Variants in LMNB2 observed in about 807,000 individuals in gnomAD.
LMNB2 encodes the protein lamin B2, also known as lamin-B2.
Under a neutral mutation model 69.3 loss-of-function variants are expected in LMNB2, and 17 were observed. The ratio of observed to expected loss-of-function variants is 0.25; its 90% confidence interval spans 0.17 to 0.37. LMNB2 has a LOEUF of 0.37. Ranked by LOEUF, LMNB2 falls within the 10% of genes least tolerant of loss-of-function variation. The probability of loss-of-function intolerance (pLI) is 1.00; values close to 1 mark genes in which losing one functional copy is unlikely to be tolerated. For synonymous variants in LMNB2, 397 were observed against 389.3 expected, an observed-to-expected ratio of 1.02 and a Z score of -0.23; for missense variants, 789 against 883.6, an observed-to-expected ratio of 0.89 and a Z score of 1.36.
chr19:2,433,746 G>C, intron 8 of LMNB2, 80 bp downstream of exon 8: 1 of 1,500,576 alleles, frequency 6.7e-7, no homozygotes, highest in Non-Finnish European at 9.0e-7. Context: ...GCATTGGCCG[G>C]CAGCCCCGTC....
chr19:2,430,250 T>C lies in LMNB2; in HGVS notation c.*661A>G, dbSNP rs1971720834. 1 of 173,242 alleles carries C rather than the reference T, an allele frequency of 5.8e-6. No homozygotes were observed. The highest frequency in any genetic ancestry group is 5.4e-5 in the Admixed American group (1 of 18,530). The allele number at this position is 173,242 out of a possible 1,614,324, so 10.7% of individuals were successfully genotyped here. A position where few individuals can be genotyped will look rare whatever the true frequency, so the allele number is the denominator to read the frequency against. ...CTGTTGGCCTTGCACAGTCAGGAACTGAACTGCGGGAAAACTCCCCCAAAT... is the reference window on the plus strand; with the variant it reads ...CTGTTGGCCTTGCACAGTCAGGAACCGAACTGCGGGAAAACTCCCCCAAAT... On this transcript the variant is annotated 3_prime_UTR_variant, in exon 12 of 12. Transcript: ENST00000325327.
chr19:2,437,799 C>CAAAAAAAA (rs59867677), intron 4 of LMNB2, among the ~76,000 whole-genome samples: 2 of 138,614 alleles, frequency 1.4e-5, no homozygotes, highest in Non-Finnish European at 1.5e-5. Context: ...AACTCCATCT[C>CAAAAAAAA]AAAAAAAGAC....
At position 2,428,543 on chromosome 19, in the gene LMNB2, CG is replaced by C. The variant is rs1343334236; in HGVS notation, c.*2367del. ...CAGGCCTCCCGGCTCCTGGGCTCAGCGGGGCAGGCTTCAGCGTTAACCTGGC... is the reference window on the plus strand; with the variant it reads ...CAGGCCTCCCGGCTCCTGGGCTCAGCGGGCAGGCTTCAGCGTTAACCTGGC... On this transcript the variant is annotated 3_prime_UTR_variant, in exon 12 of 12. Transcript: ENST00000325327. 2 of 152,286 alleles carry C rather than the reference CG, an allele frequency of 1.3e-5. No individual in the cohort carries two copies. Among genetic ancestry groups the C allele is most frequent in the Non-Finnish European group, 2.9e-5 (2 of 68,080 alleles). The allele number at this position is 152,286 out of a possible 1,614,324, so 9.4% of individuals were successfully genotyped here.
In LMNB2 at chr19:2,454,068, A is replaced by C. The variant is rs574199613; in HGVS notation, c.264+2602T>G. On this transcript the variant is annotated intron_variant, in intron 1 of 11. Transcript: ENST00000325327. ...AGTACTTTGGGAGGCCGAGGCAGGC[A>C]GATCACCTGAGGCCAGGAGTTTGAG... Among the ~76,000 whole-genome samples the C allele has an allele frequency of 1.8e-4, 28 of 152,150 alleles. No homozygotes were observed. The East Asian group carries it at 5.4e-3, about 29-fold the overall frequency.
Position 2,429,196 on chromosome 19 carries a change from C to T in LMNB2, c.*1715G>A, listed in dbSNP as rs1476406568. The T allele has an allele frequency of 6.6e-6, 1 of 152,266 alleles. No homozygotes were observed. The highest frequency in any genetic ancestry group is 2.4e-5 in the African/African-American group (1 of 41,446). 9.4% of individuals were successfully genotyped at this position (152,266 alleles called of 1,614,324 possible). Reference sequence around the variant, plus strand: ...CCCAGAACCCTCGCTAGCACGAAGCCCAGCCAGTCGGGTCCGGGTGATTCC... The same window carrying T: ...CCCAGAACCCTCGCTAGCACGAAGCTCAGCCAGTCGGGTCCGGGTGATTCC... On this transcript the variant is annotated 3_prime_UTR_variant, in exon 12 of 12. Transcript: ENST00000325327.
Position 2,430,944 on chromosome 19 carries a change from C to G in LMNB2, c.1830G>C (p.Pro610=), listed in dbSNP as rs748782215. Residue 610 remains proline (P), a synonymous_variant, in exon 12 of 12, where the codon CCG becomes CCC. Coordinates refer to ENST00000325327, the MANE Select transcript of LMNB2 (RefSeq NM_032737.4). ...CGTAGCAGCCTCTTGAGGTGGTCCT[C>G]GGGTCCCCCTGCAGGAAGGAAGGAA... ...EEDLFHQQGD[P]RTTSRGCYVM 1.2e-6 allele frequency: 2 copies of G among 1,609,540 alleles called. No homozygotes were observed. Among genetic ancestry groups the G allele is most frequent in the East Asian group, 2.2e-5 (1 of 44,860 alleles).
At chr19:2,431,944 G>T in intron 9 of LMNB2, 42 bp from the exon 10 acceptor site, 1 of 1,584,952 alleles carries the variant, frequency 6.3e-7, no homozygotes. Context: ...GTCACCTCTG[G>T]TTCCAGGGAC....
rs145444042 is a variant in LMNB2 at position 2,431,811 on chromosome 19, C to T, written c.1682G>A (p.Arg561His). 82 of 1,613,668 alleles carry T rather than the reference C, an allele frequency of 5.1e-5. No homozygotes were observed. Among genetic ancestry groups the T allele is most frequent in the Admixed American group, 2.7e-4 (16 of 59,992 alleles). ...QSSWGTGESF[R>H]TVLVNADGEE... is the part of the protein sequence containing the mutation. ...GCCATCCGCGTTAACCAGGACGGTG[C>T]GGAAGCTCTCGCCCGTGCCCCAGCT... Residue 561 changes from arginine (R) to histidine (H), a missense_variant, in exon 10 of 12, where the codon CGC becomes CAC. Arg to His is a conservative substitution (Grantham distance 29). This residue lies in a region of LMNB2 where 609 missense variants were observed against 630.9 expected (regional missense o/e 0.97). Transcript: ENST00000325327.
At chr19:2,439,460 G>A (rs545466449) in intron 2 of LMNB2, among the ~76,000 whole-genome samples, 1 of 152,234 alleles carries the variant, frequency 6.6e-6, no homozygotes, top group East Asian at 1.9e-4. Context: ...GCAGGGTGCT[G>A]AGCACTGTCC....
intron 2 of LMNB2, among the ~76,000 whole-genome samples, chr19:2,440,740 C>CCA (rs1435592738): frequency 3.2e-4 from 48 of 152,078 alleles, no homozygotes; most frequent in African/African-American, 1.1e-3. Context: ...ATCCATCCAT[C>CCA]TATCCACTCA....
chr19:2,438,351 C>T (rs781767317), intron 3 of LMNB2, 24 bp downstream of exon 3: 148 of 1,613,154 alleles, frequency 9.2e-5, no homozygotes, highest in East Asian at 1.6e-4. Context: ...CCTGCTGGGG[C>T]GTCCCGTGGC....
Position 2,433,819 on chromosome 19 carries a change from C to T in LMNB2, c.1482+7G>A, listed in dbSNP as rs761605440. The T allele has an allele frequency of 7.9e-5, 128 of 1,613,140 alleles. No individual in the cohort carries two copies. Among genetic ancestry groups the T allele is most frequent in the South Asian group, 2.1e-4 (19 of 91,080 alleles). On this transcript the variant is annotated splice_region_variant and intron_variant, in intron 8 of 11. Coordinates refer to ENST00000325327, the MANE Select transcript of LMNB2 (RefSeq NM_032737.4). ...CGTTACCCCCATGCCCCGGTCTTTC[C>T]GGTCACCTTGTCCGAGTTGTTCTTG...
Position 2,443,312 on chromosome 19 carries a change from G to A in LMNB2, c.401+1092C>T, listed in dbSNP as rs768792379. 1.3e-5 allele frequency among the ~76,000 whole-genome samples: 2 copies of A among 152,204 alleles called. No individual in the cohort carries two copies. The highest frequency in any genetic ancestry group is 2.4e-5 in the African/African-American group (1 of 41,452). On this transcript the variant is annotated intron_variant, in intron 2 of 11. Coordinates refer to ENST00000325327, the MANE Select transcript of LMNB2 (RefSeq NM_032737.4). This position sits in a 1 kb window ranked among gnomAD's most constrained non-coding sequence, Gnocchi z 6.2. ...TGGGGAAGGGAAGTCAGCTCTCCAC[G>A]GGAGCAGCGCCAGCCCAGGAAGGAG...
At chr19:2,439,860 T>G (rs1291216570) in intron 2 of LMNB2, among the ~76,000 whole-genome samples, 1 of 151,182 alleles carries the variant, frequency 6.6e-6, no homozygotes, top group Admixed American at 6.6e-5. Context: ...CAGCCTCCTG[T>G]GTAGCTGGGA....
intron 1 of LMNB2, among the ~76,000 whole-genome samples, chr19:2,455,123 G>GC (rs1273902677): frequency 6.6e-6 from 1 of 151,852 alleles, no homozygotes; most frequent in African/African-American, 2.4e-5. Flanking sequence ...CTCTCCCTCG[G>GC]CCCCCTACCC....
At chr19:2,442,377 A>G (rs1456702520) in intron 2 of LMNB2, among the ~76,000 whole-genome samples, 1 of 152,252 alleles carries the variant, frequency 6.6e-6, no homozygotes, top group East Asian at 1.9e-4. Context: ...GGATCGCTTA[A>G]GTCCAGGAGT....
intron 7 of LMNB2, 39 bp from the exon 8 acceptor site, chr19:2,434,144 GC>G: frequency 1.3e-6 from 2 of 1,558,346 alleles, no homozygotes; most frequent in Non-Finnish European, 1.7e-6. Flanking sequence ...GGTAGTGGGA[GC>G]CCCAGACAGC....
intron 1 of LMNB2, among the ~76,000 whole-genome samples, chr19:2,446,934 A>C (rs532633089): frequency 1.3e-5 from 2 of 152,192 alleles, no homozygotes; most frequent in South Asian, 4.1e-4. Context: ...AGGTCAGGAG[A>C]TCGAGACCAT....
chr19:2,448,102 A>T (rs1599340139), intron 1 of LMNB2, among the ~76,000 whole-genome samples: 1 of 151,984 alleles, frequency 6.6e-6, no homozygotes, highest in African/African-American at 2.4e-5. Context: ...CACCCCGGCC[A>T]CCCCCAAGCC....
Sources: gnomAD v4.1 joint callset for allele counts (sites outside exome capture counted in the v4.1 genomes callset) on GRCh38, gnomAD v4.1.1 for gene constraint, gnomAD v4.1.1 regional missense constraint, Gnocchi (gnomAD v3.1) non-coding constraint, MANE v1.5 for transcripts, NCBI Gene and HGNC (gene_info 2026-07-23, HGNC 2026-07-21) for gene names.